The following ZMAT4 variants were observed in gnomAD, a reference collection of about 807,000 sequenced individuals.
The protein encoded by ZMAT4 is zinc finger matrin-type protein 4.
ZMAT4 carries 17 observed loss-of-function variants against 28.7 expected under a neutral mutation model. That is an observed-to-expected ratio of 0.59 (90% CI 0.41 to 0.89). The LOEUF is 0.89. Ranked by LOEUF, ZMAT4 falls within the 40% of genes least tolerant of loss-of-function variation. ZMAT4 has a pLI of 0.00. For missense variants in ZMAT4, 240 were observed against 283.8 expected (o/e 0.85, Z 1.11); for synonymous variants, 117 against 109.2 (o/e 1.07, Z -0.44).
chr8:40,649,132 A>T (rs1362535518), intron 5 of ZMAT4, among the ~76,000 whole-genome samples: 4 of 102,140 alleles, frequency 3.9e-5, no homozygotes, highest in African/African-American at 1.2e-4. Context: ...AGACTGGCAA[A>T]TTGGATAAAG....
At chr8:40,631,883 A>G (rs2118728080) in intron 5 of ZMAT4, among the ~76,000 whole-genome samples, 1 of 152,346 alleles carries the variant, frequency 6.6e-6, no homozygotes, top group Non-Finnish European at 1.5e-5. Context: ...TCCATTTTTC[A>G]GTTCAAGATG....
chr8:40,577,747 C>A (rs1024126921), intron 6 of ZMAT4, among the ~76,000 whole-genome samples: 2 of 151,724 alleles, frequency 1.3e-5, no homozygotes, highest in East Asian at 1.9e-4. Context: ...TAAATATGTA[C>A]AATTATGTAT....
chr8:40,534,507 G>A (rs1802785482), intron 6 of ZMAT4, among the ~76,000 whole-genome samples: 1 of 152,110 alleles, frequency 6.6e-6, no homozygotes. Context: ...GTGGCGAAGG[G>A]CAGTCTTTGT....
At position 40,546,256 on chromosome 8, in the gene ZMAT4, A is replaced by C. The variant is rs551188621; in HGVS notation, c.675-14018T>G. 2.0e-5 allele frequency among the ~76,000 whole-genome samples: 3 copies of C among 152,086 alleles called. No homozygotes were observed. In the East Asian group the frequency reaches 5.8e-4, roughly 29 times the overall value. ...CCTCCTGTGTAAATTAATTTACAGC[A>C]CTAGCTGACCTATTTAAAGAAACCA... On this transcript the variant is annotated intron_variant, in intron 6 of 6. Coordinates refer to ENST00000297737, the MANE Select transcript of ZMAT4 (RefSeq NM_024645.3).
intron 1 of ZMAT4, among the ~76,000 whole-genome samples, chr8:40,870,052 AG>A (rs1817799474): frequency 6.6e-6 from 1 of 152,210 alleles, no homozygotes; most frequent in Admixed American, 6.5e-5. Context: ...TGGTTATTCT[AG>A]GAAACTGCAG....
At chr8:40,595,198 T>C (rs1805049060) in intron 5 of ZMAT4, among the ~76,000 whole-genome samples, 1 of 152,162 alleles carries the variant, frequency 6.6e-6, no homozygotes, top group Non-Finnish European at 1.5e-5. Context: ...ACAATGCCAT[T>C]TGTGCTCTAG....
At chr8:40,722,863 A>T (rs752657632) in intron 3 of ZMAT4, among the ~76,000 whole-genome samples, 57 of 152,170 alleles carry the variant, frequency 3.7e-4, no homozygotes, top group Non-Finnish European at 7.6e-4. Context: ...GAGCGTCCAC[A>T]TGCATACTCA....
At chr8:40,720,903 G>A (rs1811057739) in intron 3 of ZMAT4, among the ~76,000 whole-genome samples, 1 of 152,182 alleles carries the variant, frequency 6.6e-6, no homozygotes, top group South Asian at 2.1e-4. Flanking sequence ...GGGGGAAATA[G>A]AGGCTCAGAG....
chr8:40,559,346 C>T (rs748167869), intron 6 of ZMAT4, among the ~76,000 whole-genome samples: 15 of 152,120 alleles, frequency 9.9e-5, no homozygotes, highest in African/African-American at 2.9e-4. Flanking sequence ...CACCTCAAAG[C>T]GAACATGGGA....
chr8:40,758,416 A>G (rs920779886), intron 3 of ZMAT4, among the ~76,000 whole-genome samples: 3 of 152,152 alleles, frequency 2.0e-5, no homozygotes, highest in Non-Finnish European at 2.9e-5. Context: ...TTTCAAATGT[A>G]TGTTATCATT....
intron 1 of ZMAT4, among the ~76,000 whole-genome samples, chr8:40,873,533 T>C (rs1327104816): frequency 1.3e-5 from 2 of 152,114 alleles, no homozygotes; most frequent in Non-Finnish European, 2.9e-5. Context: ...GTCCCTTGTT[T>C]TACAGAGGAG....
chr8:40,640,776 A>G (rs1168145586), intron 5 of ZMAT4, among the ~76,000 whole-genome samples: 1 of 152,014 alleles, frequency 6.6e-6, no homozygotes, highest in Non-Finnish European at 1.5e-5. Context: ...CCTAGCCAAC[A>G]TGGTGAAACT....
chr8:40,569,764 AATGTTGTTCTTT>A (rs1338414654), intron 6 of ZMAT4, among the ~76,000 whole-genome samples: 1 of 152,172 alleles, frequency 6.6e-6, no homozygotes, highest in Non-Finnish European at 1.5e-5. Flanking sequence ...AGGCCTCCAC[AATGTTGTTCTTT>A]GTAGTAGGCC....
intron 3 of ZMAT4, among the ~76,000 whole-genome samples, chr8:40,728,496 G>A (rs1024650887): frequency 7.2e-5 from 11 of 152,122 alleles, no homozygotes; most frequent in Non-Finnish European, 1.2e-4. Context: ...TGTTGTGGAG[G>A]GCCATTGTGT....
At chr8:40,623,098 G>A (rs569789348) in intron 5 of ZMAT4, among the ~76,000 whole-genome samples, 1 of 152,148 alleles carries the variant, frequency 6.6e-6, no homozygotes, top group African/African-American at 2.4e-5. Context: ...CATTAAGAAG[G>A]CTTCTGTCTT....
intron 6 of ZMAT4, among the ~76,000 whole-genome samples, chr8:40,562,373 G>A (rs2118473551): frequency 6.6e-6 from 1 of 152,242 alleles, no homozygotes; most frequent in African/African-American, 2.4e-5. Flanking sequence ...GGGATCAGCA[G>A]GGGCCAGGGA....
chr8:40,822,368 T>C (rs1168766821), intron 2 of ZMAT4, among the ~76,000 whole-genome samples: 1 of 152,202 alleles, frequency 6.6e-6, no homozygotes. Context: ...CTGAGAAAAC[T>C]ATCAGGTTGA....
intron 5 of ZMAT4, among the ~76,000 whole-genome samples, chr8:40,644,919 T>G (rs1807232464): frequency 6.6e-6 from 1 of 152,206 alleles, no homozygotes; most frequent in Non-Finnish European, 1.5e-5. Flanking sequence ...TCGAGGAGCA[T>G]TCTCCAAAAT....
chr8:40,826,686 G>A (rs572307433), intron 1 of ZMAT4, among the ~76,000 whole-genome samples: 4 of 152,192 alleles, frequency 2.6e-5, no homozygotes, highest in African/African-American at 9.6e-5. Flanking sequence ...TCTCCATTTA[G>A]GGTGGTTGAA....
Sources: gnomAD v4.1 joint callset for allele counts (sites outside exome capture counted in the v4.1 genomes callset) on GRCh38, gnomAD v4.1.1 for gene constraint, MANE v1.5 for transcripts, NCBI Gene and HGNC (gene_info 2026-07-23, HGNC 2026-07-21) for gene names.